Variants in SCN8A observed in about 807,000 individuals in gnomAD.
SCN8A encodes the protein sodium channel protein type 8 subunit alpha.
Under a neutral mutation model 184.1 loss-of-function variants are expected in SCN8A, and 30 were observed. The observed-to-expected ratio is 0.16, with a 90% CI of 0.12 to 0.22. The LOEUF is 0.22. Ranked by LOEUF, SCN8A falls within the 10% of genes least tolerant of loss-of-function variation. The pLI, the probability that SCN8A is intolerant of heterozygous loss-of-function variation, is 1.00. For missense variants in SCN8A, 1,057 were observed against 2,498.9 expected (o/e 0.42, Z 12.30); for synonymous variants, 852 against 907.0 (o/e 0.94, Z 1.09).
chr12:51,749,941 C>G (rs2138835999), intron 13 of SCN8A, among the ~76,000 whole-genome samples: 1 of 152,276 alleles, frequency 6.6e-6, no homozygotes, highest in Non-Finnish European at 1.5e-5. Flanking sequence ...AAGTTCACCT[C>G]TTAAAAAGCA....
chr12:51,758,996 G>T lies in SCN8A; in HGVS notation c.2371-3507G>T, dbSNP rs529751911. Among the ~76,000 whole-genome samples, 20 of 151,508 alleles carry T rather than the reference G, an allele frequency of 1.3e-4. No individual in the cohort carries two copies. In the East Asian group the frequency reaches 3.7e-3, roughly 28 times the overall value. On this transcript the variant is annotated intron_variant, in intron 14 of 26. Coordinates refer to ENST00000627620, the MANE Select transcript of SCN8A (RefSeq NM_001330260.2). ...TGTATGTATGTATATGTGTGTGTGT[G>T]TGTGTATATATATATATACGTGTGT...
chr12:51,733,203 CTTT>C (rs1246296208), intron 12 of SCN8A, among the ~76,000 whole-genome samples: 1 of 152,040 alleles, frequency 6.6e-6, no homozygotes, highest in Non-Finnish European at 1.5e-5. Flanking sequence ...TCATATATGG[CTTT>C]TATTATATTG....
At chr12:51,713,050 T>A in intron 11 of SCN8A, 1 of 1,517,162 alleles carries the variant, frequency 6.6e-7, no homozygotes. Flanking sequence ...GTGGTATTTC[T>A]GAACAACAAT....
At chr12:51,687,759 A>G (rs1941442763) in intron 5 of SCN8A, among the ~76,000 whole-genome samples, 1 of 152,202 alleles carries the variant, frequency 6.6e-6, no homozygotes, top group African/African-American at 2.4e-5. Flanking sequence ...AGATCAGTGT[A>G]ACTCCACATT....
intron 5 of SCN8A, chr12:51,688,652 G>T: frequency 1.3e-6 from 1 of 741,112 alleles, no homozygotes; most frequent in South Asian, 1.7e-5. Context: ...CTTTTTCAAG[G>T]AAAAAAAATG....
intron 6 of SCN8A, among the ~76,000 whole-genome samples, chr12:51,690,462 T>C (rs1471303677): frequency 6.6e-6 from 1 of 152,050 alleles, no homozygotes; most frequent in Non-Finnish European, 1.5e-5. Context: ...AAGTGATCCT[T>C]CCTTCTCAGC....
At chr12:51,741,431 T>C (rs1482826940) in intron 12 of SCN8A, among the ~76,000 whole-genome samples, 3 of 152,210 alleles carry the variant, frequency 2.0e-5, no homozygotes, top group Non-Finnish European at 4.4e-5. Flanking sequence ...CTATGTCTTT[T>C]TATTGGAGAG....
chr12:51,692,658 A>G (rs1283073067), intron 6 of SCN8A, among the ~76,000 whole-genome samples: 1 of 152,186 alleles, frequency 6.6e-6, no homozygotes, highest in Non-Finnish European at 1.5e-5. Flanking sequence ...CTAAAAGTTT[A>G]TATGTCTTAA....
intron 2 of SCN8A, among the ~76,000 whole-genome samples, chr12:51,666,715 C>T (rs1409357943): frequency 6.6e-6 from 1 of 152,120 alleles, no homozygotes; most frequent in Admixed American, 6.5e-5. Flanking sequence ...CCTCTTTCTC[C>T]TAGTGGGTAA....
intron 9 of SCN8A, among the ~76,000 whole-genome samples, chr12:51,703,326 A>T (rs1941724744): frequency 6.6e-6 from 1 of 152,006 alleles, no homozygotes; most frequent in Non-Finnish European, 1.5e-5. Flanking sequence ...TACTTTTTGG[A>T]AAGTTGGGAT....
intron 1 of SCN8A, among the ~76,000 whole-genome samples, chr12:51,637,600 C>G (rs1277335085): frequency 6.6e-6 from 1 of 152,186 alleles, no homozygotes; most frequent in African/African-American, 2.4e-5. Context: ...CAGAGCAAGG[C>G]CCTAATTCTC....
At chr12:51,602,773 T>G (rs1157511) in intron 1 of SCN8A, among the ~76,000 whole-genome samples, 132,471 of 152,120 alleles carry the variant, frequency 0.87, 57,948 homozygotes, top group East Asian at 0.99. Flanking sequence ...AATACACAGT[T>G]CCCCTGGGAT....
chr12:51,796,038 A>C (rs1938397592), intron 26 of SCN8A, among the ~76,000 whole-genome samples: 1 of 152,076 alleles, frequency 6.6e-6, no homozygotes, highest in South Asian at 2.1e-4. Context: ...AGAGAGACCT[A>C]GTCTCAAAAA....
intron 14 of SCN8A, among the ~76,000 whole-genome samples, chr12:51,761,121 T>G (rs1942756190): frequency 6.6e-6 from 1 of 151,896 alleles, no homozygotes; most frequent in African/African-American, 2.4e-5. Flanking sequence ...TCAATAAGAG[T>G]CTGTTGTTAT....
chr12:51,681,696 G>A (rs927010274), intron 2 of SCN8A, among the ~76,000 whole-genome samples: 1 of 152,202 alleles, frequency 6.6e-6, no homozygotes, highest in African/African-American at 2.4e-5. Context: ...GCAGTACAAT[G>A]TCAAACACTA....
intron 1 of SCN8A, among the ~76,000 whole-genome samples, chr12:51,626,985 A>G (rs1015659542): frequency 4.6e-5 from 7 of 152,166 alleles, no homozygotes; most frequent in African/African-American, 1.4e-4. Context: ...AAAAAACTCA[A>G]AAGTTTTCAT....
chr12:51,600,787 T>C (rs372418791), intron 1 of SCN8A, among the ~76,000 whole-genome samples: 69 of 152,312 alleles, frequency 4.5e-4, no homozygotes, highest in East Asian at 1.7e-3. Context: ...GAAAAAAAAT[T>C]AGAAATTTAA....
At chr12:51,694,397 A>G (rs1278369780) in intron 6 of SCN8A, among the ~76,000 whole-genome samples, 1 of 152,244 alleles carries the variant, frequency 6.6e-6, no homozygotes, top group Non-Finnish European at 1.5e-5. Context: ...ACCTTTGGAC[A>G]TAGAGTAGAA....
At chr12:51,699,043 C>T (rs1376249690) in intron 6 of SCN8A, among the ~76,000 whole-genome samples, 4 of 152,190 alleles carry the variant, frequency 2.6e-5, no homozygotes, top group Non-Finnish European at 2.9e-5. Context: ...CAATTATAAC[C>T]ATGACAAATG....
Sources: gnomAD v4.1 joint callset for allele counts (sites outside exome capture counted in the v4.1 genomes callset) on GRCh38, gnomAD v4.1.1 for gene constraint, MANE v1.5 for transcripts, NCBI Gene and HGNC (gene_info 2026-07-23, HGNC 2026-07-21) for gene names.